The following RPTOR variants were observed in gnomAD, a reference collection of about 807,000 sequenced individuals.
The protein encoded by RPTOR is regulatory-associated protein of mTOR.
In RPTOR, 21 loss-of-function variants were observed where a neutral mutation model predicts 169.9. The observed-to-expected ratio is 0.12, with a 90% CI of 0.09 to 0.18. The LOEUF is 0.18. Ranked by LOEUF, RPTOR falls within the 10% of genes least tolerant of loss-of-function variation. The pLI is 1.00. For missense variants in RPTOR, 1,133 were observed against 1,855.9 expected (o/e 0.61, Z 7.16); for synonymous variants, 732 against 753.2 (o/e 0.97, Z 0.46).
At chr17:80,563,832 G>T (rs1029015026) in intron 1 of RPTOR, among the ~76,000 whole-genome samples, 1 of 152,050 alleles carries the variant, frequency 6.6e-6, no homozygotes, top group Non-Finnish European at 1.5e-5. Context: ...GCCCCCAGTC[G>T]TGCCCACCCC....
At chr17:80,658,530 T>C (rs148604820) in intron 3 of RPTOR, among the ~76,000 whole-genome samples, 1 of 152,352 alleles carries the variant, frequency 6.6e-6, no homozygotes, top group African/African-American at 2.4e-5. Flanking sequence ...TGTATTACTT[T>C]ACGGAGATGT....
chr17:80,804,122 A>C (rs895907393), intron 7 of RPTOR, among the ~76,000 whole-genome samples: 5 of 152,174 alleles, frequency 3.3e-5, no homozygotes, highest in Admixed American at 1.3e-4. Flanking sequence ...GGCACTTAGG[A>C]GCTTGATGGC....
At chr17:80,683,137 G>A (rs893103718) in intron 3 of RPTOR, among the ~76,000 whole-genome samples, 16 of 152,170 alleles carry the variant, frequency 1.1e-4, no homozygotes, top group Non-Finnish European at 1.6e-4. Context: ...TTTCAGCTCC[G>A]TCTGTGGCAG....
rs1299793097 is a variant in RPTOR at position 80,935,706 on chromosome 17, A to G, written c.2920-4790A>G. 2.0e-5 allele frequency among the ~76,000 whole-genome samples: 3 copies of G among 152,208 alleles called. No homozygotes were observed. The East Asian group carries it at 5.8e-4, about 29-fold the overall frequency. On this transcript the variant is annotated intron_variant, in intron 24 of 33. Coordinates refer to ENST00000306801, the MANE Select transcript of RPTOR (RefSeq NM_020761.3). Reference sequence around the variant, plus strand: ...CGATCAGTACTTCACACCTTATACAACAATTAACTCAGAGTGAATCATAGC... The same window carrying G: ...CGATCAGTACTTCACACCTTATACAGCAATTAACTCAGAGTGAATCATAGC...
intron 7 of RPTOR, among the ~76,000 whole-genome samples, chr17:80,793,028 C>G (rs1054541300): frequency 1.3e-5 from 2 of 152,134 alleles, no homozygotes; most frequent in Admixed American, 1.3e-4. Flanking sequence ...CCAGGCTGGT[C>G]TTGAACGCCT....
At chr17:80,574,679 A>T (rs545956691) in intron 1 of RPTOR, among the ~76,000 whole-genome samples, 122 of 151,892 alleles carry the variant, frequency 8.0e-4, no homozygotes, top group Non-Finnish European at 8.2e-4. Context: ...TTTTTGAGAC[A>T]AGATCTTGCT....
chr17:80,930,708 G>A (rs1009406049), intron 24 of RPTOR, among the ~76,000 whole-genome samples: 1 of 152,232 alleles, frequency 6.6e-6, no homozygotes, highest in Non-Finnish European at 1.5e-5. Flanking sequence ...TGGAAGCTGC[G>A]TGAAGAACAC....
At chr17:80,819,355 G>T (rs930176985) in intron 7 of RPTOR, among the ~76,000 whole-genome samples, 1 of 152,262 alleles carries the variant, frequency 6.6e-6, no homozygotes, top group African/African-American at 2.4e-5. Context: ...ATGTAATCGT[G>T]ACTATAGAGT....
chr17:80,822,072 T>G, intron 7 of RPTOR, 129 bp from the exon 8 acceptor site: 1 of 804,594 alleles, frequency 1.2e-6, no homozygotes, highest in South Asian at 1.4e-5. Context: ...TGCGCCAAGC[T>G]TCTGCTCAGA....
In RPTOR at chr17:80,752,152, G is replaced by A. The variant is rs373922584; in HGVS notation, c.655-1858G>A. ...CAATGCAGATTCCATCTCACAGCCTGTGGTGTGTTCTTCTTGTTTTGTCTG... is the reference window on the plus strand; with the variant it reads ...CAATGCAGATTCCATCTCACAGCCTATGGTGTGTTCTTCTTGTTTTGTCTG... On this transcript the variant is annotated intron_variant, in intron 5 of 33. Transcript: ENST00000306801. Among the ~76,000 whole-genome samples the A allele has an allele frequency of 3.3e-5, 5 of 152,336 alleles. No individual in the cohort carries two copies. In the East Asian group the frequency reaches 7.7e-4, roughly 23 times the overall value.
chr17:80,908,002 T>TCCTTCATCCTCTGGG (rs2068565136), intron 20 of RPTOR, among the ~76,000 whole-genome samples: 1 of 152,166 alleles, frequency 6.6e-6, no homozygotes, highest in Non-Finnish European at 1.5e-5. Flanking sequence ...TGCGTTCACA[T>TCCTTCATCCTCTGGG]CCTTCATCCT....
Position 80,962,577 on chromosome 17 carries a change from G to A in RPTOR, c.3809G>A (p.Cys1270Tyr). Reference sequence around the variant, plus strand: ...CACCCCCAGGCGGACCTGATCGCATGGTAGGCGCCACCCACCTCCCTGGCC... The same window carrying A: ...CACCCCCAGGCGGACCTGATCGCATAGTAGGCGCCACCCACCTCCCTGGCC... ...DIHPQADLIA[C>Y]GSVNQFTAIY... Residue 1270 changes from cysteine (C) to tyrosine (Y), a missense_variant and splice_region_variant, in exon 32 of 34, where the codon TGT (cysteine) becomes TAT (tyrosine). Transcript: ENST00000306801. The A allele has an allele frequency of 6.2e-7, 1 of 1,612,064 alleles. No homozygotes were observed. The highest frequency in any genetic ancestry group is 8.5e-7 in the Non-Finnish European group (1 of 1,178,944).
intron 1 of RPTOR, chr17:80,602,670 G>C (rs2065198779): frequency 2.8e-6 from 2 of 705,182 alleles, no homozygotes; most frequent in Non-Finnish European, 2.6e-6. Flanking sequence ...GGATAACCAC[G>C]CACGGATGCG....
Position 80,965,614 on chromosome 17 carries a change from C to T in RPTOR, c.*1284C>T, listed in dbSNP as rs3751932. The T allele has an allele frequency of 0.91, 212,090 of 233,302 alleles. 96,480 individuals carry two copies. The highest frequency in any genetic ancestry group is 0.93 in the African/African-American group (42,488 of 45,460). 14.5% of individuals were successfully genotyped at this position (233,302 alleles called of 1,614,324 possible). A position where few individuals can be genotyped will look rare whatever the true frequency, so the allele number is the denominator to read the frequency against. On this transcript the variant is annotated 3_prime_UTR_variant, in exon 34 of 34. Coordinates refer to ENST00000306801, the MANE Select transcript of RPTOR (RefSeq NM_020761.3). Reference sequence around the variant, plus strand: ...CTTCATTCTGGCGGTGAGAGGCCCACGACCACGGGAGTGAGAGCTGGTGTG... The same window carrying T: ...CTTCATTCTGGCGGTGAGAGGCCCATGACCACGGGAGTGAGAGCTGGTGTG...
intron 5 of RPTOR, among the ~76,000 whole-genome samples, chr17:80,734,400 G>A (rs1598265504): frequency 1.3e-5 from 2 of 152,110 alleles, no homozygotes; most frequent in African/African-American, 4.8e-5. Flanking sequence ...CCCCTCTCTC[G>A]ATTTTCTCCT....
intron 13 of RPTOR, among the ~76,000 whole-genome samples, chr17:80,879,646 C>T (rs1323384318): frequency 6.6e-6 from 1 of 152,216 alleles, no homozygotes; most frequent in Non-Finnish European, 1.5e-5. Context: ...GAACTGTGAG[C>T]AGGGCACAAA....
chr17:80,638,411 C>CTTTTTT (rs11399351), intron 2 of RPTOR, among the ~76,000 whole-genome samples: 17 of 126,272 alleles, frequency 1.3e-4, no homozygotes, highest in East Asian at 4.5e-4. Context: ...TTCTTCCTTT[C>CTTTTTT]TTTTTTTTTT....
intron 28 of RPTOR, among the ~76,000 whole-genome samples, chr17:80,952,855 CTTTTTTTTTTTTT>C (rs139746545): frequency 0.33 from 32,860 of 98,216 alleles, 4,834 homozygotes; most frequent in Middle Eastern, 0.42. Flanking sequence ...TTCTTTTCTT[CTTTTTTTTTTTTT>C]TTTTTTTTTT....
At chr17:80,560,691 T>G (rs2084473769) in intron 1 of RPTOR, among the ~76,000 whole-genome samples, 1 of 152,160 alleles carries the variant, frequency 6.6e-6, no homozygotes, top group South Asian at 2.1e-4. Flanking sequence ...CCTTCCCTTG[T>G]GCTGTGGGAG....
Sources: allele counts gnomAD v4.1 joint callset (sites outside exome capture counted in the v4.1 genomes callset), GRCh38; gene constraint gnomAD v4.1.1; transcripts MANE v1.5; gene names NCBI Gene and HGNC (gene_info 2026-07-23, HGNC 2026-07-21).